MS4A6A: variants seen among roughly 807,000 people sequenced by gnomAD.
The protein encoded by MS4A6A is membrane spanning 4-domains A6A, also known as membrane-spanning 4-domains subfamily A member 6A.
Under a neutral mutation model 20.6 loss-of-function variants are expected in MS4A6A, and 19 were observed. The observed-to-expected ratio is 0.92, with a 90% CI of 0.64 to 1.36. MS4A6A has a LOEUF of 1.36. MS4A6A is among the 40% of genes most tolerant of loss of function. The probability of loss-of-function intolerance (pLI) is 0.00; values close to 1 mark genes in which losing one functional copy is unlikely to be tolerated. For missense variants in MS4A6A, 272 were observed against 261.1 expected (o/e 1.04, Z -0.29); for synonymous variants, 108 against 105.0 (o/e 1.03, Z -0.17).
chr11:60,179,144 T>C (rs1416468976), intron 3 of MS4A6A, among the ~76,000 whole-genome samples: 2 of 151,908 alleles, frequency 1.3e-5, no homozygotes, highest in South Asian at 2.1e-4. Context: ...AATACACAAA[T>C]GTAAGAAAAA....
chr11:60,184,203 C>G (rs769533064), upstream of MS4A6A: 7 of 152,240 alleles, frequency 4.6e-5, no homozygotes, highest in Non-Finnish European at 8.8e-5. Flanking sequence ...CTGAATGACA[C>G]AGACATTATG....
At chr11:60,179,748 A>G (rs753631587) in intron 3 of MS4A6A, 83 bp downstream of exon 3, 10 of 1,506,344 alleles carry the variant, frequency 6.6e-6, no homozygotes, top group Non-Finnish European at 9.2e-6. Flanking sequence ...CAAACATAGC[A>G]AGCTGGCAGG....
chr11:60,181,714 G>A lies in MS4A6A; in HGVS notation c.14C>T (p.Pro5Leu). Residue 5 changes from proline to leucine, a missense_variant, in exon 2 of 6, where the codon CCT becomes CTT. Transcript: ENST00000528851. MTSQ[P>L]VPNETIIVLP... ...CACTATGATGGTCTCATTGGGAACA[G>A]GTTGTGATGTCATGATGGTGTTGCC... is the stretch of plus-strand genomic sequence containing the variant. The A allele has an allele frequency of 1.2e-6, 2 of 1,614,108 alleles. No individual in the cohort carries two copies. Among genetic ancestry groups the A allele is most frequent in the Non-Finnish European group, 1.7e-6 (2 of 1,179,988 alleles).
chr11:60,179,445 A>G (rs1211728411), intron 3 of MS4A6A: 4 of 531,916 alleles, frequency 7.5e-6, no homozygotes, highest in Non-Finnish European at 1.0e-5. Flanking sequence ...GGGGGGGATA[A>G]CAGTGTGGTT....
intron 4 of MS4A6A, 138 bp downstream of exon 4, chr11:60,178,122 C>A (rs1856940570): frequency 2.7e-6 from 2 of 743,132 alleles, no homozygotes; most frequent in African/African-American, 3.5e-5. Context: ...GATCCAGGCC[C>A]AGCTCCTAAT....
At chr11:60,181,367 A>G (rs1326150184) in intron 2 of MS4A6A, 11 of 580,744 alleles carry the variant, frequency 1.9e-5, no homozygotes, top group Non-Finnish European at 2.7e-5. Flanking sequence ...TAGAAAATCA[A>G]TTCCTCATAT....
chr11:60,175,645 A>C (rs758587702), intron 4 of MS4A6A, 34 bp from the exon 5 acceptor site: 7 of 1,597,062 alleles, frequency 4.4e-6, no homozygotes, highest in Non-Finnish European at 1.7e-6. Context: ...GATCATTGCT[A>C]ATGACTCATG....
At chr11:60,183,385 A>G (rs959903546), upstream of MS4A6A, 1 of 547,290 alleles carries the variant, frequency 1.8e-6, no homozygotes, top group African/African-American at 1.9e-5. Context: ...AAGATGAGCA[A>G]AAATATTTAT....
rs1201668780 is a variant in MS4A6A, at chr11:60,172,882, T to G, written c.*119A>C. The G allele has an allele frequency of 1.3e-6, 2 of 1,528,764 alleles. No homozygotes were observed. Among genetic ancestry groups the G allele is most frequent in the Non-Finnish European group, 8.8e-7 (1 of 1,134,278 alleles). 94.7% of individuals were successfully genotyped at this position (1,528,764 alleles called of 1,614,324 possible). On this transcript the variant is annotated 3_prime_UTR_variant, in exon 6 of 6. Transcript: ENST00000528851. ...TCAATTGCCATCTGCTTTTCTTCTC[T>G]GTCTTCCATCACAATGCAAATGCCC...
intron 4 of MS4A6A, 169 bp downstream of exon 4, chr11:60,178,091 T>G (rs2243987): frequency 0.96 from 610,495 of 638,664 alleles, 292,293 homozygotes; most frequent in Non-Finnish European, 0.97. Flanking sequence ...GGAGAAATGT[T>G]CTCTGAACAA....
chr11:60,172,726 C>T lies in MS4A6A; in HGVS notation c.*275G>A. The T allele has an allele frequency of 1.6e-6, 2 of 1,238,326 alleles. No homozygotes were observed. Among genetic ancestry groups the T allele is most frequent in the South Asian group, 3.3e-5 (2 of 59,944 alleles). 76.7% of individuals were successfully genotyped at this position (1,238,326 alleles called of 1,614,324 possible). A position where few individuals can be genotyped will look rare whatever the true frequency, so the allele number is the denominator to read the frequency against. On this transcript the variant is annotated 3_prime_UTR_variant, in exon 6 of 6. Coordinates refer to ENST00000528851, the MANE Select transcript of MS4A6A (RefSeq NM_022349.4). ...CCTCAGCAAAGGCACAAACTCATAGCATAATGCCAGGCCAGTCATTTAACT... is the reference window on the plus strand; with the variant it reads ...CCTCAGCAAAGGCACAAACTCATAGTATAATGCCAGGCCAGTCATTTAACT...
chr11:60,175,053 T>C (rs970072245), intron 5 of MS4A6A, among the ~76,000 whole-genome samples: 11 of 152,118 alleles, frequency 7.2e-5, no homozygotes, highest in African/African-American at 2.7e-4. Flanking sequence ...CCTGGGTCTT[T>C]CTGCTCTGTT....
rs370469349 is a variant in MS4A6A at position 60,175,424 on chromosome 11, T to G, written c.527A>C (p.Tyr176Ser). Reference sequence around the variant, plus strand: ...TACAGCCAGACTGGCTTTGGCTGTATAGCAGTCCGTGGTATAAAGTGAATC... The same window carrying G: ...TACAGCCAGACTGGCTTTGGCTGTAGAGCAGTCCGTGGTATAAAGTGAATC... ...YHDSLYTTDC[Y>S]TAKASLAGTL... The change falls in exon 5 of 6, where the codon TAT becomes TCT. Residue 176 changes from tyrosine to serine, a missense_variant. Tyr to Ser is a moderately radical substitution (Grantham distance 144). Coordinates refer to ENST00000528851, the MANE Select transcript of MS4A6A (RefSeq NM_022349.4). The G allele has an allele frequency of 6.2e-7, 1 of 1,614,052 alleles. No homozygotes were observed. The highest frequency in any genetic ancestry group is 1.1e-5 in the South Asian group (1 of 91,060).
intron 3 of MS4A6A, 32 bp downstream of exon 3, chr11:60,179,799 C>T (rs1195449006): frequency 6.2e-7 from 1 of 1,613,712 alleles, no homozygotes; most frequent in Non-Finnish European, 8.5e-7. Context: ...CCCTCTTTGC[C>T]CCATCCTGCC....
intron 5 of MS4A6A, 129 bp downstream of exon 5, chr11:60,175,273 C>T (rs1487609616): frequency 7.3e-6 from 5 of 685,822 alleles, no homozygotes; most frequent in South Asian, 3.8e-5. Context: ...CTTTGATTTA[C>T]ATAAACCTGG....
At chr11:60,180,903 C>T (rs1181905821) in intron 2 of MS4A6A, 1 of 401,268 alleles carries the variant, frequency 2.5e-6, no homozygotes, top group Admixed American at 3.1e-5. Flanking sequence ...CATAGAAACC[C>T]ATGTGATTGT....
intron 3 of MS4A6A, chr11:60,179,555 C>A: frequency 1.7e-6 from 1 of 573,048 alleles, no homozygotes; most frequent in Non-Finnish European, 3.1e-6. Flanking sequence ...TTTTTTTCGC[C>A]TAAACCTGGA....
downstream of MS4A6A, chr11:60,172,490 A>G: frequency 3.2e-6 from 4 of 1,235,532 alleles, no homozygotes; most frequent in Non-Finnish European, 3.0e-6. Context: ...CCATAAGTCC[A>G]TAGGGGTTTG....
chr11:60,172,004 A>G (rs1252838122), downstream of MS4A6A: 6 of 688,938 alleles, frequency 8.7e-6, no homozygotes, highest in East Asian at 1.7e-4. Flanking sequence ...CAATGAACAC[A>G]TATCTTAAAT....
Sources: allele counts gnomAD v4.1 joint callset (sites outside exome capture counted in the v4.1 genomes callset), GRCh38; gene constraint gnomAD v4.1.1; transcripts MANE v1.5; gene names NCBI Gene and HGNC (gene_info 2026-07-23, HGNC 2026-07-21).